Variants in TRPC7 observed in about 807,000 individuals in gnomAD.
TRPC7 encodes the protein short transient receptor potential channel 7.
In TRPC7, 42 loss-of-function variants were observed where a neutral mutation model predicts 90.1. The observed-to-expected ratio is 0.47, with a 90% CI of 0.36 to 0.60. The LOEUF (loss-of-function observed/expected upper bound fraction) is 0.60, where lower values mean the gene tolerates loss of function less well. Ranked by LOEUF, TRPC7 falls within the 20% of genes least tolerant of loss-of-function variation. TRPC7 has a pLI of 0.00. For missense variants in TRPC7, 955 were observed against 1,112.3 expected (o/e 0.86, Z 2.01); for synonymous variants, 451 against 436.3 (o/e 1.03, Z -0.42).
At chr5:136,240,026 T>C (rs1483342805) in intron 7 of TRPC7, among the ~76,000 whole-genome samples, 1 of 152,204 alleles carries the variant, frequency 6.6e-6, no homozygotes, top group Non-Finnish European at 1.5e-5. Context: ...TACATCTTCC[T>C]CCTTTTACAA....
At chr5:136,292,406 T>C (rs1272189248) in intron 3 of TRPC7, among the ~76,000 whole-genome samples, 2 of 151,650 alleles carry the variant, frequency 1.3e-5, no homozygotes, top group African/African-American at 4.9e-5. Context: ...GCAAGACTAA[T>C]AAAGAAGAAA....
At chr5:136,313,256 T>C (rs1758894368) in intron 3 of TRPC7, among the ~76,000 whole-genome samples, 1 of 152,226 alleles carries the variant, frequency 6.6e-6, no homozygotes, top group Admixed American at 6.5e-5. Flanking sequence ...CCCATGGAAC[T>C]GCTAAGACCA....
At chr5:136,347,740 C>G (rs1760054482) in intron 2 of TRPC7, among the ~76,000 whole-genome samples, 1 of 152,188 alleles carries the variant, frequency 6.6e-6, no homozygotes, top group South Asian at 2.1e-4. Context: ...CATCACTCTC[C>G]TGTTCTCCTT....
In TRPC7 at chr5:136,316,989, C is replaced by T. The variant is rs1055035368; in HGVS notation, c.781-1210G>A. 2.6e-5 allele frequency among the ~76,000 whole-genome samples: 4 copies of T among 152,324 alleles called. No homozygotes were observed. In the South Asian group the frequency reaches 8.3e-4, roughly 32 times the overall value. On this transcript the variant is annotated intron_variant, in intron 2 of 11. Transcript: ENST00000513104. ...CAGCCATTTTTCTGAGTTAATGATT[C>T]TTATCTCCTTCCAGGGTTGCTGTAT...
intron 3 of TRPC7, among the ~76,000 whole-genome samples, chr5:136,311,208 T>C (rs1758814860): frequency 6.6e-6 from 1 of 151,992 alleles, no homozygotes; most frequent in African/African-American, 2.4e-5. Flanking sequence ...CTGATCCTCA[T>C]TAAGGCAGAG....
intron 2 of TRPC7, among the ~76,000 whole-genome samples, chr5:136,334,069 T>A (rs894845445): frequency 1.3e-5 from 2 of 152,120 alleles, no homozygotes; most frequent in African/African-American, 4.8e-5. Context: ...ATTGAAAAAT[T>A]ATCCAAAAAG....
chr5:136,324,928 C>T (rs1235851454), intron 2 of TRPC7, among the ~76,000 whole-genome samples: 1 of 152,084 alleles, frequency 6.6e-6, no homozygotes, highest in Non-Finnish European at 1.5e-5. Context: ...ATTCACTCCC[C>T]CTCCCTCCCT....
intron 3 of TRPC7, among the ~76,000 whole-genome samples, chr5:136,293,858 G>T (rs867632563): frequency 5.9e-5 from 9 of 152,182 alleles, no homozygotes; most frequent in African/African-American, 2.2e-4. Context: ...AAAGAACAAA[G>T]CTGGAGGCAT....
At position 136,335,806 on chromosome 5, in the gene TRPC7, A is replaced by G. The variant is rs376546918; in HGVS notation, c.781-20027T>C. Among the ~76,000 whole-genome samples, 513 of 145,664 alleles carry G rather than the reference A, an allele frequency of 3.5e-3. 1 individual carries two copies. The highest frequency in any genetic ancestry group is 0.012 in the African/African-American group (472 of 39,598). ...GTAGTCCCAGCTACTCGGGAGGCTG[A>G]GGCAGGAGAATGGCGTGAACCCGGG... On this transcript the variant is annotated intron_variant, in intron 2 of 11. Transcript: ENST00000513104.
intron 9 of TRPC7, among the ~76,000 whole-genome samples, chr5:136,225,690 T>C: frequency 6.6e-6 from 1 of 152,156 alleles, no homozygotes; most frequent in East Asian, 1.9e-4. Flanking sequence ...AACCTTTTTC[T>C]CAGAGATCAT....
At chr5:136,259,449 TCTC>T (rs1056280697) in intron 5 of TRPC7, among the ~76,000 whole-genome samples, 24 of 152,274 alleles carry the variant, frequency 1.6e-4, no homozygotes, top group African/African-American at 5.8e-4. Flanking sequence ...CCCAAGCTCT[TCTC>T]CTATTTAGCA....
chr5:136,226,345 T>C, intron 8 of TRPC7, 90 bp from the exon 9 acceptor site: 1 of 921,170 alleles, frequency 1.1e-6, no homozygotes, highest in Non-Finnish European at 1.7e-6. Context: ...AGCCCCAACA[T>C]TCGGAAAGCA....
intron 5 of TRPC7, among the ~76,000 whole-genome samples, chr5:136,259,443 A>G (rs1410179633): frequency 1.3e-5 from 2 of 152,236 alleles, no homozygotes; most frequent in South Asian, 2.1e-4. Flanking sequence ...CACACTCCCA[A>G]GCTCTTCTCC....
At chr5:136,235,567 T>C (rs533135067) in intron 7 of TRPC7, among the ~76,000 whole-genome samples, 1 of 152,310 alleles carries the variant, frequency 6.6e-6, no homozygotes, top group African/African-American at 2.4e-5. Context: ...CTCTGAGTTA[T>C]ATATTAATCA....
At chr5:136,237,009 C>T (rs143755025) in intron 7 of TRPC7, among the ~76,000 whole-genome samples, 20 of 152,314 alleles carry the variant, frequency 1.3e-4, no homozygotes, top group Admixed American at 5.2e-4. Context: ...TAATGCTCAC[C>T]TATCATCCAA....
chr5:136,270,759 G>A (rs1216850064), intron 4 of TRPC7, among the ~76,000 whole-genome samples: 1 of 152,230 alleles, frequency 6.6e-6, no homozygotes, highest in Non-Finnish European at 1.5e-5. Flanking sequence ...TCTGGGCTAA[G>A]TCTGAAAGTG....
chr5:136,322,868 G>C (rs1185434785), intron 2 of TRPC7, among the ~76,000 whole-genome samples: 2 of 152,140 alleles, frequency 1.3e-5, no homozygotes, highest in South Asian at 2.1e-4. Context: ...ATATATTCAG[G>C]ATACAATTCC....
chr5:136,283,274 G>A (rs1757602556), intron 3 of TRPC7, among the ~76,000 whole-genome samples: 1 of 152,220 alleles, frequency 6.6e-6, no homozygotes, highest in Non-Finnish European at 1.5e-5. Context: ...TCTTTGCAAA[G>A]GCAGTTGCTT....
intron 2 of TRPC7, among the ~76,000 whole-genome samples, chr5:136,325,007 C>T (rs1386903495): frequency 6.6e-6 from 1 of 152,190 alleles, no homozygotes; most frequent in Non-Finnish European, 1.5e-5. Flanking sequence ...GGAGCTAAGT[C>T]AGCAGATGTG....
Sources: allele counts gnomAD v4.1 joint callset (sites outside exome capture counted in the v4.1 genomes callset), GRCh38; gene constraint gnomAD v4.1.1; transcripts MANE v1.5; gene names NCBI Gene and HGNC (gene_info 2026-07-23, HGNC 2026-07-21).